Variants in SCN2A observed in about 807,000 individuals in gnomAD.
SCN2A encodes the protein sodium voltage-gated channel alpha subunit 2, also known as sodium channel protein type 2 subunit alpha.
SCN2A carries 20 observed loss-of-function variants against 188.7 expected under a neutral mutation model. That is an observed-to-expected ratio of 0.11 (90% CI 0.07 to 0.15). The LOEUF is 0.15. Among genes scored for constraint, SCN2A ranks in the 10% least tolerant of loss-of-function variants. The pLI, the probability that SCN2A is intolerant of heterozygous loss-of-function variation, is 1.00. For missense variants in SCN2A, 1,278 were observed against 2,445.0 expected (o/e 0.52, Z 10.07); for synonymous variants, 804 against 833.1 (o/e 0.97, Z 0.60).
At chr2:165,261,872 TCTA>T (rs1294646074) in intron 1 of SCN2A, among the ~76,000 whole-genome samples, 1 of 152,226 alleles carries the variant, frequency 6.6e-6, no homozygotes, top group African/African-American at 2.4e-5. Context: ...TATTGATTAA[TCTA>T]TACAATGAAA....
In SCN2A at chr2:165,362,811, G is replaced by A. The variant is rs114664676; in HGVS notation, c.3400-2332G>A. On this transcript the variant is annotated intron_variant, in intron 17 of 26. Coordinates refer to ENST00000375437, the MANE Select transcript of SCN2A (RefSeq NM_001040142.2). ...CCCATACATTATCAAGGTTCAAGATGTGTGATAAGCCATGAAAAGGTTGGT... is the reference window on the plus strand; with the variant it reads ...CCCATACATTATCAAGGTTCAAGATATGTGATAAGCCATGAAAAGGTTGGT... 2.8e-3 allele frequency among the ~76,000 whole-genome samples: 423 copies of A among 152,232 alleles called. 1 individual carries two copies. Among genetic ancestry groups the A allele is most frequent in the African/African-American group, 9.8e-3 (408 of 41,560 alleles).
chr2:165,373,180 A>C, intron 20 of SCN2A, 45 bp from the exon 21 acceptor site: 1 of 1,605,034 alleles, frequency 6.2e-7, no homozygotes, highest in Middle Eastern at 1.7e-4. Flanking sequence ...CTGTGTAGAC[A>C]TTTTTATATG....
At chr2:165,338,417 G>C (rs1435394754) in intron 14 of SCN2A, among the ~76,000 whole-genome samples, 2 of 152,072 alleles carry the variant, frequency 1.3e-5, no homozygotes, top group Non-Finnish European at 2.9e-5. Flanking sequence ...CAGCCACCAA[G>C]CCTGGCTAAT....
At chr2:165,327,900 C>T (rs1698446866) in intron 13 of SCN2A, 1 of 152,106 alleles carries the variant, frequency 6.6e-6, no homozygotes, top group African/African-American at 2.4e-5. Context: ...TGTATTCTAT[C>T]CCCCTTCCTT....
chr2:165,247,052 A>G (rs1574429472), intron 1 of SCN2A, among the ~76,000 whole-genome samples: 1 of 152,172 alleles, frequency 6.6e-6, no homozygotes. Flanking sequence ...CTGCACCCAC[A>G]TAACCTGACC....
rs180953658 is a variant in SCN2A at position 165,378,327 on chromosome 2, G to A, written c.4308+677G>A. ...GCTTTCTGAGTGAAGAATTCCTGAG[G>A]TTTTTTTTTTTCTTTTTTCCACTTC... On this transcript the variant is annotated intron_variant, in intron 23 of 26. Transcript: ENST00000375437. Among the ~76,000 whole-genome samples, 203 of 145,902 alleles carry A rather than the reference G, an allele frequency of 1.4e-3. 3 individuals are homozygous for A. Among genetic ancestry groups the A allele is most frequent in the South Asian group, 3.0e-3 (14 of 4,644 alleles).
chr2:165,307,150 T>A (rs7598931), intron 3 of SCN2A, among the ~76,000 whole-genome samples: 85,908 of 151,966 alleles, frequency 0.57, 24,824 homozygotes, highest in Middle Eastern at 0.65. Context: ...TCATTGAGCA[T>A]CTATTACGCA....
At chr2:165,264,814 G>A (rs187466958) in intron 1 of SCN2A, among the ~76,000 whole-genome samples, 2 of 151,830 alleles carry the variant, frequency 1.3e-5, no homozygotes, top group East Asian at 3.9e-4. Context: ...TTTTTTTTGT[G>A]GCTGCATAAT....
At chr2:165,348,001 G>A (rs1022840897) in intron 16 of SCN2A, among the ~76,000 whole-genome samples, 2 of 152,092 alleles carry the variant, frequency 1.3e-5, no homozygotes, top group African/African-American at 4.8e-5. Flanking sequence ...TAATTACACC[G>A]AGTTGCTTAA....
Position 165,365,073 on chromosome 2 carries a change from AC to A in SCN2A, c.3400-68del, listed in dbSNP as rs1424011193. ...CATACAGAAGATGGGGGGGGGGCAC[AC>A]CTAATTAATTTTTATATTTAGATTA... is the stretch of plus-strand genomic sequence containing the variant. On this transcript the variant is annotated intron_variant, in intron 17 of 26. Coordinates refer to ENST00000375437, the MANE Select transcript of SCN2A (RefSeq NM_001040142.2). 46 of 1,385,930 alleles carry A rather than the reference AC, an allele frequency of 3.3e-5. No homozygotes were observed. The African/African-American group carries it at 6.0e-4, about 18-fold the overall frequency. 85.9% of individuals were successfully genotyped at this position (1,385,930 alleles called of 1,614,324 possible). A position where few individuals can be genotyped will look rare whatever the true frequency, so the allele number is the denominator to read the frequency against.
At chr2:165,305,793 G>A in intron 3 of SCN2A, among the ~76,000 whole-genome samples, 1 of 152,208 alleles carries the variant, frequency 6.6e-6, no homozygotes, top group East Asian at 1.9e-4. Flanking sequence ...GGAAAGATAA[G>A]CAGCTCTTTC....
At chr2:165,274,526 A>G (rs776255398) in intron 1 of SCN2A, among the ~76,000 whole-genome samples, 111 of 152,346 alleles carry the variant, frequency 7.3e-4, no homozygotes, top group Non-Finnish European at 1.3e-3. Context: ...AGAAAAATAC[A>G]TTACCAAAAC....
intron 10 of SCN2A, among the ~76,000 whole-genome samples, chr2:165,314,876 A>T (rs1317786686): frequency 1.3e-5 from 2 of 152,194 alleles, no homozygotes; most frequent in Non-Finnish European, 2.9e-5. Context: ...TATTGCTGTA[A>T]TAGCAACAAA....
At chr2:165,362,023 T>C (rs1392019464) in intron 17 of SCN2A, among the ~76,000 whole-genome samples, 1 of 152,000 alleles carries the variant, frequency 6.6e-6, no homozygotes, top group Non-Finnish European at 1.5e-5. Flanking sequence ...TAGGAAGTGT[T>C]AGTAGTTAGT....
At chr2:165,274,198 A>G (rs1448833252) in intron 1 of SCN2A, 2 of 152,112 alleles carry the variant, frequency 1.3e-5, no homozygotes, top group Admixed American at 1.3e-4. Flanking sequence ...CTTGATATTT[A>G]ATAATATTAA....
intron 16 of SCN2A, among the ~76,000 whole-genome samples, chr2:165,352,396 G>A (rs929422540): frequency 1.3e-5 from 2 of 151,974 alleles, no homozygotes; most frequent in African/African-American, 4.8e-5. Context: ...AATCACCATT[G>A]GTTAGACTAA....
intron 1 of SCN2A, among the ~76,000 whole-genome samples, chr2:165,276,938 G>T (rs1331586431): frequency 6.6e-6 from 1 of 152,150 alleles, no homozygotes; most frequent in African/African-American, 2.4e-5. Flanking sequence ...TACTTTGGAA[G>T]GCTGAGGTGG....
intron 3 of SCN2A, among the ~76,000 whole-genome samples, chr2:165,305,338 A>G (rs766060276): frequency 2.0e-5 from 3 of 152,216 alleles, no homozygotes; most frequent in Non-Finnish European, 4.4e-5. Context: ...GTAAGTACAG[A>G]TGTCCTATGG....
intron 1 of SCN2A, among the ~76,000 whole-genome samples, chr2:165,263,103 G>T (rs1694679922): frequency 6.6e-6 from 1 of 151,520 alleles, no homozygotes; most frequent in African/African-American, 2.4e-5. Flanking sequence ...GTTTTTTTCT[G>T]GCTGATTTGT....
Sources: allele counts gnomAD v4.1 joint callset (sites outside exome capture counted in the v4.1 genomes callset), GRCh38; gene constraint gnomAD v4.1.1; transcripts MANE v1.5; gene names NCBI Gene and HGNC (gene_info 2026-07-23, HGNC 2026-07-21).